SH3PXD2B: variants seen among roughly 807,000 people sequenced by gnomAD.
SH3PXD2B encodes the protein SH3 and PX domains 2B.
In SH3PXD2B, 37 loss-of-function variants were observed where a neutral mutation model predicts 73.1. The observed-to-expected ratio is 0.51, with a 90% CI of 0.39 to 0.67. SH3PXD2B has a LOEUF of 0.67. SH3PXD2B is among the 30% of genes least tolerant of loss of function. SH3PXD2B has a pLI of 0.00. For synonymous variants in SH3PXD2B, 457 were observed against 480.5 expected, an observed-to-expected ratio of 0.95 and a Z score of 0.64; for missense variants, 1,053 against 1,197.8, an observed-to-expected ratio of 0.88 and a Z score of 1.78.
Position 172,439,288 on chromosome 5 carries a change from AAAAC to A in SH3PXD2B, c.75+14986_75+14989del, listed in dbSNP as rs1561583552. Among the ~76,000 whole-genome samples the A allele has an allele frequency of 2.7e-4, 16 of 60,362 alleles. No homozygotes were observed. The South Asian group carries it at 3.6e-3, about 13-fold the overall frequency. 39.6% of individuals were successfully genotyped at this position (60,362 alleles called of 152,430 possible). ...ACAAAAACAAAAACAAAACAAAAAA[AAAAC>A]CCCAAAAAAAAACCACAGGCATCGG... On this transcript the variant is annotated intron_variant, in intron 1 of 12. Coordinates refer to ENST00000311601, the MANE Select transcript of SH3PXD2B (RefSeq NM_001017995.3).
At chr5:172,373,983 A>G (rs1008400763) in intron 5 of SH3PXD2B, among the ~76,000 whole-genome samples, 168 bp from the exon 6 acceptor site, 1 of 152,168 alleles carries the variant, frequency 6.6e-6, no homozygotes, top group Admixed American at 6.5e-5. Flanking sequence ...AAAGAGAAAG[A>G]ACTTCTCTTA....
Position 172,350,348 on chromosome 5 carries a change from G to C in SH3PXD2B, c.1012+15C>G, listed in dbSNP as rs563395716. ...GGGGCCCTGATTATCAGGAGCTTGGGCGGGTGTCACTCACTCTGCTTGGCG... is the reference window on the plus strand; with the variant it reads ...GGGGCCCTGATTATCAGGAGCTTGGCCGGGTGTCACTCACTCTGCTTGGCG... On this transcript the variant is annotated intron_variant, in intron 10 of 12. Coordinates refer to ENST00000311601, the MANE Select transcript of SH3PXD2B (RefSeq NM_001017995.3). 1 of 1,612,496 alleles carries C rather than the reference G, an allele frequency of 6.2e-7. No individual in the cohort carries two copies. The highest frequency in any genetic ancestry group is 1.7e-5 in the Admixed American group (1 of 60,004).
chr5:172,403,463 G>A (rs1463978844), intron 3 of SH3PXD2B, among the ~76,000 whole-genome samples: 1 of 150,018 alleles, frequency 6.7e-6, no homozygotes, highest in Non-Finnish European at 1.5e-5. Flanking sequence ...AGAAGGGGTG[G>A]TCCGGGGTCC....
chr5:172,454,215 G>A, intron 1 of SH3PXD2B, 63 bp downstream of exon 1: 1 of 1,428,582 alleles, frequency 7.0e-7, no homozygotes, highest in Admixed American at 1.8e-5. Flanking sequence ...CCAAGCCGGG[G>A]GCCCTCGGTC....
chr5:172,350,568 C>A lies in SH3PXD2B; in HGVS notation c.807G>T (p.Trp269Cys). 1 of 1,611,172 alleles carries A rather than the reference C, an allele frequency of 6.2e-7. No homozygotes were observed. Among genetic ancestry groups the A allele is most frequent in the East Asian group, 2.2e-5 (1 of 44,792 alleles). The change falls in exon 10 of 13, where the codon TGG (tryptophan) becomes TGT (cysteine). Residue 269 changes from tryptophan to cysteine, a missense_variant. Around this residue, in one of 2 missense-constraint regions of SH3PXD2B, gnomAD observed 466 missense variants for 607.1 expected, o/e 0.77. Coordinates refer to ENST00000311601, the MANE Select transcript of SH3PXD2B (RefSeq NM_001017995.3). ...WKIRYQGKEGWAPASYLKKNS... is the reference protein window; with the variant it reads ...WKIRYQGKEGCAPASYLKKNS... Reference sequence around the variant, plus strand: ...TCTTCTTTAGGTAGGAGGCGGGGGCCCAGCCTTCTTTGCCCTGGTACCTGT... The same window carrying A: ...TCTTCTTTAGGTAGGAGGCGGGGGCACAGCCTTCTTTGCCCTGGTACCTGT...
intron 4 of SH3PXD2B, 114 bp downstream of exon 4, chr5:172,394,427 AATGATTTTCCCCCTAATTTCTT>A: frequency 1.2e-6 from 1 of 852,228 alleles, no homozygotes; most frequent in Admixed American, 2.0e-5. Context: ...AATGATAATG[AATGATTTTCCCCCTAATTTCTT>A]TACATTCCTT....
intron 1 of SH3PXD2B, among the ~76,000 whole-genome samples, chr5:172,429,012 A>G (rs1391372401): frequency 6.6e-6 from 1 of 152,206 alleles, no homozygotes; most frequent in Admixed American, 6.5e-5. Context: ...TGAACGCTTT[A>G]CTGAAATTGC....
chr5:172,414,917 C>A (rs550640686), intron 2 of SH3PXD2B, among the ~76,000 whole-genome samples: 2 of 152,150 alleles, frequency 1.3e-5, no homozygotes, highest in Non-Finnish European at 2.9e-5. Flanking sequence ...GCAATGCCCT[C>A]CCCCATTCGG....
chr5:172,335,706 C>T lies in SH3PXD2B; in HGVS notation c.*2663G>A. 1.6e-6 allele frequency: 2 copies of T among 1,231,724 alleles called. No homozygotes were observed. The highest frequency in any genetic ancestry group is 8.2e-5 in the South Asian group (2 of 24,318). 76.3% of individuals were successfully genotyped at this position (1,231,724 alleles called of 1,614,324 possible). A position where few individuals can be genotyped will look rare whatever the true frequency, so the allele number is the denominator to read the frequency against. ...CCATCAATCGCTCACAGAATAGCGA[C>T]CACAGTCCTGGATGGGGTAAATCTA... On this transcript the variant is annotated 3_prime_UTR_variant, in exon 13 of 13. Transcript: ENST00000311601.
At chr5:172,359,575 G>T (rs1757356482) in intron 7 of SH3PXD2B, among the ~76,000 whole-genome samples, 1 of 152,070 alleles carries the variant, frequency 6.6e-6, no homozygotes, top group South Asian at 2.1e-4. Flanking sequence ...GCTGTGACGT[G>T]TGCACGGGGC....
chr5:172,438,580 G>A (rs1034369869), intron 1 of SH3PXD2B, among the ~76,000 whole-genome samples: 1 of 152,182 alleles, frequency 6.6e-6, no homozygotes, highest in Non-Finnish European at 1.5e-5. Flanking sequence ...ATTGCCAAGG[G>A]TACCAGAAAC....
chr5:172,405,502 T>C (rs566577283), intron 3 of SH3PXD2B, among the ~76,000 whole-genome samples: 5 of 152,266 alleles, frequency 3.3e-5, no homozygotes, highest in Admixed American at 6.5e-5. Context: ...GCTCCTGTGA[T>C]GAGGGATGTG....
At chr5:172,443,903 C>T (rs529846911) in intron 1 of SH3PXD2B, among the ~76,000 whole-genome samples, 3 of 152,352 alleles carry the variant, frequency 2.0e-5, no homozygotes, top group African/African-American at 7.2e-5. Flanking sequence ...CCCTTATTAC[C>T]AGTCAGTGAT....
At chr5:172,366,480 A>G (rs1487779784) in intron 6 of SH3PXD2B, among the ~76,000 whole-genome samples, 2 of 152,204 alleles carry the variant, frequency 1.3e-5, no homozygotes, top group African/African-American at 2.4e-5. Flanking sequence ...CCTGCAAAGC[A>G]CAAAGGTGCC....
At chr5:172,373,999 C>T (rs938522828) in intron 5 of SH3PXD2B, among the ~76,000 whole-genome samples, 184 bp from the exon 6 acceptor site, 44 of 152,154 alleles carry the variant, frequency 2.9e-4, no homozygotes, top group Non-Finnish European at 5.0e-4. Flanking sequence ...TCTTAATTTT[C>T]CCCCTTTGCC....
chr5:172,371,536 G>T (rs1180213452), intron 6 of SH3PXD2B, among the ~76,000 whole-genome samples: 1 of 152,180 alleles, frequency 6.6e-6, no homozygotes, highest in Admixed American at 6.5e-5. Flanking sequence ...TAAAGGAAGT[G>T]TTCAAAGGTC....
At chr5:172,332,274 G>A (rs1450865292), downstream of SH3PXD2B, among the ~76,000 whole-genome samples, 7 of 119,704 alleles carry the variant, frequency 5.8e-5, no homozygotes, top group East Asian at 1.6e-3. Flanking sequence ...TTTTTTTTGC[G>A]ACACAGTCTT....
chr5:172,385,511 C>G (rs1429293210), intron 4 of SH3PXD2B, among the ~76,000 whole-genome samples: 1 of 152,208 alleles, frequency 6.6e-6, no homozygotes, highest in African/African-American at 2.4e-5. Flanking sequence ...CCTCCTTCAC[C>G]TTCCCTACGT....
At chr5:172,368,497 TATATATATATATATAAA>T (rs1280192887) in intron 6 of SH3PXD2B, among the ~76,000 whole-genome samples, 1 of 4,288 alleles carries the variant, frequency 2.3e-4, no homozygotes, top group African/African-American at 6.8e-4. Flanking sequence ...ATATATATAT[TATATATATATATATAAA>T]ATATATATAT....
Sources: allele counts gnomAD v4.1 joint callset (sites outside exome capture counted in the v4.1 genomes callset), GRCh38; gene constraint gnomAD v4.1.1; regional missense constraint gnomAD v4.1.1; transcripts MANE v1.5; gene names NCBI Gene and HGNC (gene_info 2026-07-23, HGNC 2026-07-21).